Variants in KIF1B observed in about 807,000 individuals in gnomAD.
The protein encoded by KIF1B is kinesin family member 1B, also known as kinesin-like protein KIF1B.
KIF1B carries 76 observed loss-of-function variants against 241.9 expected under a neutral mutation model. The observed-to-expected ratio is 0.31, with a 90% CI of 0.26 to 0.38. KIF1B has a LOEUF of 0.38. KIF1B is among the 10% of genes least tolerant of loss of function. The pLI is 1.00. For synonymous variants in KIF1B, 750 were observed against 796.7 expected (o/e 0.94, Z 0.99); for missense variants, 1,622 against 2,271.4 (o/e 0.71, Z 5.81).
chr1:10,277,852 T>C, intron 12 of KIF1B, 134 bp from the exon 13 acceptor site: 1 of 783,768 alleles, frequency 1.3e-6, no homozygotes, highest in East Asian at 2.8e-5. Context: ...TATAAAGCTT[T>C]ATACAAATGT....
chr1:10,368,743 C>G (rs555934756), intron 44 of KIF1B, among the ~76,000 whole-genome samples: 7 of 152,240 alleles, frequency 4.6e-5, no homozygotes, highest in Non-Finnish European at 1.0e-4. Flanking sequence ...TAAAAGTACT[C>G]CTTTGTGTCT....
At position 10,376,792 on chromosome 1, in the gene KIF1B, C is replaced by G. The variant is rs1246629125; in HGVS notation, c.*205C>G. On this transcript the variant is annotated 3_prime_UTR_variant, in exon 49 of 49. Coordinates refer to ENST00000676179, the MANE Select transcript of KIF1B (RefSeq NM_001365951.3). ...TTCTTTTTTCTTGTGCTGAGAATCT[C>G]GTTAGTAGCATGTGGCCTAACAAAA... is the stretch of plus-strand genomic sequence containing the variant. The G allele has an allele frequency of 6.9e-6, 4 of 575,602 alleles. No individual in the cohort carries two copies. Among genetic ancestry groups the G allele is most frequent in the Non-Finnish European group, 1.3e-5 (4 of 315,132 alleles). 35.7% of individuals were successfully genotyped at this position (575,602 alleles called of 1,614,324 possible). A position where few individuals can be genotyped will look rare whatever the true frequency, so the allele number is the denominator to read the frequency against.
rs749610931 is a variant in KIF1B at position 10,347,787 on chromosome 1, C to T, written c.3824C>T (p.Thr1275Ile). 6.2e-7 allele frequency: 1 copy of T among 1,613,286 alleles called. No homozygotes were observed. Among genetic ancestry groups the T allele is most frequent in the Admixed American group, 1.7e-5 (1 of 59,988 alleles). ...GEYIPAVVDH[T>I]AGLPCQGTFL... is the part of the protein sequence containing the mutation. ...TATATCCCAGCTGTGGTTGACCACA[C>T]AGCAGGCTTGCCTTGCCAGGGGACA... Residue 1275 changes from threonine (T) to isoleucine (I), a missense_variant, in exon 36 of 49, where the codon ACA becomes ATA. Around this residue, in one of 7 missense-constraint regions of KIF1B, gnomAD observed 803 missense variants for 1,112.0 expected, o/e 0.72. Coordinates refer to ENST00000676179, the MANE Select transcript of KIF1B (RefSeq NM_001365951.3).
chr1:10,225,271 G>C (rs973299399), intron 1 of KIF1B, among the ~76,000 whole-genome samples: 1 of 151,968 alleles, frequency 6.6e-6, no homozygotes, highest in Non-Finnish European at 1.5e-5. Context: ...GAGCTGAGAT[G>C]GTTCCACTGC....
At chr1:10,239,700 C>T (rs866434197) in intron 2 of KIF1B, among the ~76,000 whole-genome samples, 42 of 151,350 alleles carry the variant, frequency 2.8e-4, no homozygotes, top group African/African-American at 8.8e-4. Flanking sequence ...CTCTGCCTCC[C>T]GGCTTCAAGG....
rs41301987 is a variant in KIF1B at position 10,379,622 on chromosome 1, G to A, written c.*3035G>A. The A allele has an allele frequency of 1.2e-3, 289 of 231,292 alleles. No individual in the cohort carries two copies. The highest frequency in any genetic ancestry group is 2.1e-3 in the Non-Finnish European group (244 of 116,898). 14.3% of individuals were successfully genotyped at this position (231,292 alleles called of 1,614,324 possible). Reference sequence around the variant, plus strand: ...ACCTTTATGTATTTTCTTAAAGCACGCCTTTAAATAAGCAAAAACTTTAAA... The same window carrying A: ...ACCTTTATGTATTTTCTTAAAGCACACCTTTAAATAAGCAAAAACTTTAAA... On this transcript the variant is annotated 3_prime_UTR_variant, in exon 49 of 49. Coordinates refer to ENST00000676179, the MANE Select transcript of KIF1B (RefSeq NM_001365951.3).
chr1:10,313,736 G>C (rs1030303167), intron 22 of KIF1B, among the ~76,000 whole-genome samples: 1 of 150,664 alleles, frequency 6.6e-6, no homozygotes, highest in East Asian at 2.0e-4. Context: ...AGTTTTAGTA[G>C]AGACGGGGTT....
Position 10,374,596 on chromosome 1 carries a change from G to C in KIF1B, c.5096+131G>C. ...TCTGTACTGTAGTCTGATGCAAGTT[G>C]AGTCTGGGGTGAGAGGGCCAGCCTG... On this transcript the variant is annotated intron_variant, in intron 46 of 48. Transcript: ENST00000676179. The surrounding 1 kb of genome is among the most constrained non-coding windows in gnomAD (Gnocchi z 4.3). 2.5e-6 allele frequency: 3 copies of C among 1,182,374 alleles called. No homozygotes were observed. Among genetic ancestry groups the C allele is most frequent in the Non-Finnish European group, 3.7e-6 (3 of 806,046 alleles). The allele number at this position is 1,182,374 out of a possible 1,614,324, so 73.2% of individuals were successfully genotyped here.
intron 38 of KIF1B, among the ~76,000 whole-genome samples, chr1:10,356,211 C>T (rs1161044608): frequency 6.6e-6 from 1 of 151,578 alleles, no homozygotes; most frequent in Non-Finnish European, 1.5e-5. Context: ...ACTAAAAATA[C>T]AAAAATTAGC....
Position 10,303,331 on chromosome 1 carries a change from C to G in KIF1B, c.2115+6085C>G. Reference sequence around the variant, plus strand: ...GAAACGTGAACCAATTAAAATGTATCAGATACCCCAAAGAAGGCGCTTGAG... The same window carrying G: ...GAAACGTGAACCAATTAAAATGTATGAGATACCCCAAAGAAGGCGCTTGAG... On this transcript the variant is annotated intron_variant, in intron 22 of 48. Coordinates refer to ENST00000676179, the MANE Select transcript of KIF1B (RefSeq NM_001365951.3). The surrounding 1 kb of genome is among the most constrained non-coding windows in gnomAD (Gnocchi z 5.2). The G allele has an allele frequency of 6.2e-7, 1 of 1,614,154 alleles. No individual in the cohort carries two copies. Among genetic ancestry groups the G allele is most frequent in the Non-Finnish European group, 8.5e-7 (1 of 1,180,028 alleles).
chr1:10,231,269 C>G lies in KIF1B; in HGVS notation c.-79-981C>G, dbSNP rs568290430. Among the ~76,000 whole-genome samples the G allele has an allele frequency of 3.3e-5, 5 of 151,726 alleles. No homozygotes were observed. The East Asian group carries it at 5.8e-4, about 18-fold the overall frequency. On this transcript the variant is annotated intron_variant, in intron 1 of 48. Transcript: ENST00000676179. ...TAAAGGAAATCACTGTATAGTTAAA[C>G]GAATTGACTAGAAAGTGTCTTTGTC... is the stretch of plus-strand genomic sequence containing the variant.
chr1:10,346,414 G>C (rs1652592347), intron 35 of KIF1B, among the ~76,000 whole-genome samples: 1 of 152,048 alleles, frequency 6.6e-6, no homozygotes, highest in Non-Finnish European at 1.5e-5. Flanking sequence ...GCCCAGGCTG[G>C]AGTGCAATGG....
intron 2 of KIF1B, among the ~76,000 whole-genome samples, chr1:10,252,721 G>GT (rs35110415): frequency 0.29 from 44,331 of 150,284 alleles, 6,702 homozygotes; most frequent in Admixed American, 0.34. Flanking sequence ...CATAAAGACA[G>GT]TTTTTTTTTG....
Position 10,303,506 on chromosome 1 carries a change from A to T in KIF1B, c.2115+6260A>T, listed in dbSNP as rs1188168395. The T allele has an allele frequency of 1.2e-6, 2 of 1,614,070 alleles. No individual in the cohort carries two copies. The highest frequency in any genetic ancestry group is 2.7e-5 in the African/African-American group (2 of 74,926). On this transcript the variant is annotated intron_variant, in intron 22 of 48. Transcript: ENST00000676179. The surrounding 1 kb of genome is among the most constrained non-coding windows in gnomAD (Gnocchi z 5.2). ...AAGATGAAGGAGCTTTGTGCCATGT[A>T]TGGCAAGAAAGACCCCAATGAGCGG...
intron 2 of KIF1B, among the ~76,000 whole-genome samples, chr1:10,239,599 A>T (rs1647105096): frequency 6.6e-6 from 1 of 151,556 alleles, no homozygotes; most frequent in South Asian, 2.1e-4. Flanking sequence ...TTTATTTTTT[A>T]TTTTATTTTA....
At chr1:10,304,189 G>A (rs745545995) in intron 22 of KIF1B, 2 of 1,614,130 alleles carry the variant, frequency 1.2e-6, no homozygotes, top group Non-Finnish European at 1.7e-6. Flanking sequence ...AGGGAATAAA[G>A]AAGAGAGCCA....
At chr1:10,294,324 C>G (rs1650152527) in intron 17 of KIF1B, among the ~76,000 whole-genome samples, 1 of 151,792 alleles carries the variant, frequency 6.6e-6, no homozygotes, top group Admixed American at 6.6e-5. Flanking sequence ...AAGGTAAAGA[C>G]TAATAAATTA....
chr1:10,327,774 A>G (rs920377397), intron 27 of KIF1B, among the ~76,000 whole-genome samples: 1 of 152,252 alleles, frequency 6.6e-6, no homozygotes, highest in African/African-American at 2.4e-5. Flanking sequence ...TTAAATTTAA[A>G]TTTAATGGTA....
intron 1 of KIF1B, among the ~76,000 whole-genome samples, chr1:10,224,363 G>A (rs573258105): frequency 7.9e-5 from 12 of 152,126 alleles, no homozygotes; most frequent in South Asian, 2.1e-4. Flanking sequence ...TGATCCGCCC[G>A]CCTCAGCCTC....
Sources: gnomAD v4.1 joint callset for allele counts (sites outside exome capture counted in the v4.1 genomes callset) on GRCh38, gnomAD v4.1.1 for gene constraint, gnomAD v4.1.1 regional missense constraint, Gnocchi (gnomAD v3.1) non-coding constraint, MANE v1.5 for transcripts, NCBI Gene and HGNC (gene_info 2026-07-23, HGNC 2026-07-21) for gene names.